SLC36A4: variants seen among roughly 807,000 people sequenced by gnomAD.
SLC36A4 encodes the protein neutral amino acid uniporter 4.
Under a neutral mutation model 50.5 loss-of-function variants are expected in SLC36A4, and 49 were observed. The ratio of observed to expected loss-of-function variants is 0.97; its 90% CI spans 0.77 to 1.23. The LOEUF (loss-of-function observed/expected upper bound fraction) is 1.23. Ranked by LOEUF, SLC36A4 falls within the 50% of genes most tolerant of loss-of-function variation. The probability of loss-of-function intolerance (pLI) is 0.00; values close to 1 mark genes in which losing one functional copy is unlikely to be tolerated. For synonymous variants in SLC36A4, 207 were observed against 206.5 expected (o/e 1.00, Z -0.02); for missense variants, 611 against 608.4 (o/e 1.00, Z -0.05).
chr11:93,186,010 G>A (rs550601237), intron 1 of SLC36A4, among the ~76,000 whole-genome samples, 196 bp from the exon 2 acceptor site: 20 of 152,144 alleles, frequency 1.3e-4, no homozygotes, highest in Non-Finnish European at 2.5e-4. Context: ...TGGATATTCT[G>A]TTTGGAATAT....
chr11:93,171,070 G>C (rs1430981275), intron 6 of SLC36A4: 2 of 151,360 alleles, frequency 1.3e-5, no homozygotes, highest in Non-Finnish European at 2.9e-5. Context: ...GAAAATCTCT[G>C]ATTGCATGCT....
chr11:93,196,716 A>C (rs1862446449), intron 1 of SLC36A4, among the ~76,000 whole-genome samples: 1 of 152,198 alleles, frequency 6.6e-6, no homozygotes, highest in African/African-American at 2.4e-5. Flanking sequence ...TCCTGCCAGC[A>C]ATGCATGAGA....
chr11:93,183,521 A>G (rs1440956487), intron 3 of SLC36A4, among the ~76,000 whole-genome samples: 1 of 152,144 alleles, frequency 6.6e-6, no homozygotes, highest in East Asian at 1.9e-4. Flanking sequence ...AGGGATAGTT[A>G]AAACTGTTTT....
chr11:93,190,788 A>G (rs1473056623), intron 1 of SLC36A4, among the ~76,000 whole-genome samples: 1 of 152,160 alleles, frequency 6.6e-6, no homozygotes, highest in Admixed American at 6.5e-5. Flanking sequence ...GCTGGAGTGC[A>G]AGGGCGTGGT....
intron 6 of SLC36A4, chr11:93,170,071 G>A (rs1007841170): frequency 4.6e-5 from 7 of 151,678 alleles, no homozygotes; most frequent in Non-Finnish European, 1.0e-4. Context: ...AAAATTCTGA[G>A]GATTAAAAAA....
intron 9 of SLC36A4, chr11:93,155,453 T>C (rs1860312563): frequency 6.6e-6 from 1 of 152,180 alleles, no homozygotes; most frequent in Admixed American, 6.6e-5. Flanking sequence ...TGGTATATAA[T>C]GTCAAGGTAT....
chr11:93,164,667 G>A (rs918248532), intron 8 of SLC36A4, among the ~76,000 whole-genome samples: 1 of 152,194 alleles, frequency 6.6e-6, no homozygotes, highest in African/African-American at 2.4e-5. Context: ...CAAGAATGGT[G>A]GCAGTGCAGC....
intron 10 of SLC36A4, among the ~76,000 whole-genome samples, chr11:93,152,922 C>T (rs1360869686): frequency 1.3e-5 from 2 of 151,932 alleles, no homozygotes; most frequent in African/African-American, 2.4e-5. Context: ...ATATCTTTTT[C>T]CTACTGAATG....
chr11:93,197,736 G>C, intron 1 of SLC36A4, 42 bp downstream of exon 1: 3 of 1,569,718 alleles, frequency 1.9e-6, no homozygotes, highest in Non-Finnish European at 2.6e-6. Flanking sequence ...ACAGACCCCC[G>C]CCCACGTCAG....
At chr11:93,165,056 A>G (rs1411324489) in intron 8 of SLC36A4, among the ~76,000 whole-genome samples, 1 of 152,200 alleles carries the variant, frequency 6.6e-6, no homozygotes, top group African/African-American at 2.4e-5. Flanking sequence ...AACAGCAATA[A>G]TTGTAGCTGT....
chr11:93,169,079 C>T (rs980554149), intron 6 of SLC36A4, among the ~76,000 whole-genome samples: 2 of 151,990 alleles, frequency 1.3e-5, no homozygotes, highest in Non-Finnish European at 2.9e-5. Flanking sequence ...TCAAACACAT[C>T]AATATTGTCG....
intron 1 of SLC36A4, among the ~76,000 whole-genome samples, 155 bp from the exon 2 acceptor site, chr11:93,185,969 C>T (rs1264628725): frequency 6.6e-6 from 1 of 152,130 alleles, no homozygotes; most frequent in Non-Finnish European, 1.5e-5. Flanking sequence ...AGTTTTAGTA[C>T]ATTTAAAAAG....
At chr11:93,165,123 A>C (rs1463068212) in intron 8 of SLC36A4, among the ~76,000 whole-genome samples, 1 of 152,142 alleles carries the variant, frequency 6.6e-6, no homozygotes, top group Non-Finnish European at 1.5e-5. Context: ...GAGAGCAGAA[A>C]CCCAAGTAAA....
At chr11:93,149,407 ATACT>A in intron 10 of SLC36A4, among the ~76,000 whole-genome samples, 1 of 152,146 alleles carries the variant, frequency 6.6e-6, no homozygotes, top group African/African-American at 2.4e-5. Context: ...TTCCTTCAAG[ATACT>A]TATTAATTAT....
intron 9 of SLC36A4, among the ~76,000 whole-genome samples, chr11:93,161,333 C>T (rs1050671011): frequency 3.9e-5 from 6 of 152,222 alleles, no homozygotes; most frequent in Non-Finnish European, 5.9e-5. Flanking sequence ...AAAATAAATG[C>T]TAAATAACCA....
At chr11:93,195,583 C>A (rs1862385563) in intron 1 of SLC36A4, among the ~76,000 whole-genome samples, 1 of 152,192 alleles carries the variant, frequency 6.6e-6, no homozygotes, top group African/African-American at 2.4e-5. Context: ...CCTTTTAAAA[C>A]AAGGCAGATC....
At chr11:93,196,209 A>G (rs1441930213) in intron 1 of SLC36A4, among the ~76,000 whole-genome samples, 1 of 152,216 alleles carries the variant, frequency 6.6e-6, no homozygotes, top group South Asian at 2.1e-4. Context: ...ATGGTAGGCA[A>G]TGTAAAACTA....
intron 1 of SLC36A4, among the ~76,000 whole-genome samples, chr11:93,187,957 C>T (rs561854818): frequency 6.6e-6 from 1 of 152,176 alleles, no homozygotes; most frequent in Admixed American, 6.5e-5. Context: ...AACTTCTAGA[C>T]CTGACCTCTG....
chr11:93,161,684 T>G (rs1225627654), intron 9 of SLC36A4, among the ~76,000 whole-genome samples: 1 of 152,212 alleles, frequency 6.6e-6, no homozygotes, highest in East Asian at 1.9e-4. Flanking sequence ...GTAAGACATT[T>G]AAGATTACAC....
Sources: gnomAD v4.1 joint callset for allele counts (sites outside exome capture counted in the v4.1 genomes callset) on GRCh38, gnomAD v4.1.1 for gene constraint, MANE v1.5 for transcripts, NCBI Gene and HGNC (gene_info 2026-07-23, HGNC 2026-07-21) for gene names.